The following MME variants were observed in gnomAD, a reference collection of about 807,000 sequenced individuals.
The protein encoded by MME is membrane metalloendopeptidase.
A neutral mutation model predicts 113.2 loss-of-function variants in MME; 98 were observed. The observed-to-expected ratio is 0.87, with a 90% CI of 0.74 to 1.02. The LOEUF (loss-of-function observed/expected upper bound fraction) is 1.02. Among genes scored for constraint, MME ranks in the 50% least tolerant of loss-of-function variants. The probability of loss-of-function intolerance (pLI) is 0.00; values close to 1 mark genes in which losing one functional copy is unlikely to be tolerated. For missense variants in MME, 836 were observed against 896.0 expected (o/e 0.93, Z 0.86); for synonymous variants, 292 against 300.6 (o/e 0.97, Z 0.30).
chr3:155,042,940 GTA>G lies in MME; in HGVS notation c.-11+18634_-11+18635del, dbSNP rs57585504. Among the ~76,000 whole-genome samples, 234 of 53,570 alleles carry G rather than the reference GTA, an allele frequency of 4.4e-3. 6 individuals are homozygous for G. The highest frequency in any genetic ancestry group is 0.017 in the African/African-American group (223 of 13,114). 35.1% of individuals were successfully genotyped at this position (53,570 alleles called of 152,430 possible). A position where few individuals can be genotyped will look rare whatever the true frequency, so the allele number is the denominator to read the frequency against. On this transcript the variant is annotated intron_variant, in intron 1 of 22. Transcript: ENST00000492661. ...TATATATATATATATATATATATAT[GTA>G]TATATATATATATATATCACATTTG... is the stretch of plus-strand genomic sequence containing the variant.
intron 1 of MME, among the ~76,000 whole-genome samples, chr3:155,072,857 A>G (rs907380125): frequency 2.6e-5 from 4 of 152,214 alleles, no homozygotes; most frequent in Admixed American, 2.0e-4. Flanking sequence ...ATTGTTTACC[A>G]AAGTTTACCA....
intron 1 of MME, among the ~76,000 whole-genome samples, chr3:155,044,125 C>CTTTTTTTTTTTTTTTT (rs5853709): frequency 1.1e-5 from 1 of 89,226 alleles, no homozygotes; most frequent in African/African-American, 4.2e-5. Flanking sequence ...CTTCCTTTTT[C>CTTTTTTTTTTTTTTTT]TTTTTTTTTT....
intron 3 of MME, chr3:155,112,894 C>T (rs75689157): frequency 0.099 from 14,993 of 152,150 alleles, 955 homozygotes; most frequent in Non-Finnish European, 0.15. Flanking sequence ...TTAATCACAT[C>T]AACAAAATGG....
At chr3:155,153,333 G>A (rs1722080499) in intron 16 of MME, among the ~76,000 whole-genome samples, 1 of 152,090 alleles carries the variant, frequency 6.6e-6, no homozygotes, top group African/African-American at 2.4e-5. Context: ...GGTTTCTGAT[G>A]CCTAGTATGT....
rs61760379 is a variant in MME at position 155,160,096 on chromosome 3, C to T, written c.1602-294C>T. Among the ~76,000 whole-genome samples, 3,167 of 152,106 alleles carry T rather than the reference C, an allele frequency of 0.021. 65 individuals are homozygous for T. The highest frequency in any genetic ancestry group is 0.11 in the East Asian group (580 of 5,168). The stretch of plus-strand genomic sequence containing the variant: ...AATAAATTTCAATACAATCTTAACC[C>T]ATTGCAATTTCTGAAGTGATACATT... On this transcript the variant is annotated intron_variant, in intron 16 of 22. Transcript: ENST00000360490.
intron 22 of MME, 109 bp downstream of exon 22, chr3:155,172,721 T>G: frequency 5.0e-6 from 4 of 808,060 alleles, no homozygotes; most frequent in East Asian, 5.4e-5. Flanking sequence ...GGAAATTCAG[T>G]GCTTTTTTTT....
intron 15 of MME, among the ~76,000 whole-genome samples, chr3:155,148,159 T>G (rs541942541): frequency 3.3e-5 from 5 of 152,120 alleles, no homozygotes; most frequent in Non-Finnish European, 7.4e-5. Context: ...TAATATTAGA[T>G]TCTATTAGTA....
chr3:155,133,599 C>T (rs1247326357), intron 8 of MME, among the ~76,000 whole-genome samples: 1 of 146,708 alleles, frequency 6.8e-6, no homozygotes, highest in Non-Finnish European at 1.5e-5. Context: ...AAAAAGCATC[C>T]CATATATATA....
intron 1 of MME, among the ~76,000 whole-genome samples, chr3:155,024,810 T>C (rs947650711): frequency 5.3e-5 from 8 of 152,136 alleles, no homozygotes; most frequent in African/African-American, 1.2e-4. Context: ...CATAAAATTA[T>C]ATATGAATGC....
At chr3:155,174,507 TC>T (rs1464198982) in intron 22 of MME, among the ~76,000 whole-genome samples, 2 of 152,048 alleles carry the variant, frequency 1.3e-5, no homozygotes, top group East Asian at 1.9e-4. Context: ...ACAGGCCACT[TC>T]CTGGCTGTAC....
At chr3:155,104,581 A>T (rs544879293) in intron 3 of MME, among the ~76,000 whole-genome samples, 102 of 152,318 alleles carry the variant, frequency 6.7e-4, no homozygotes, top group Middle Eastern at 3.4e-3. Context: ...CTCAGTAATC[A>T]CATATTATTG....
At chr3:155,033,462 T>G (rs956489323) in intron 1 of MME, among the ~76,000 whole-genome samples, 1 of 152,202 alleles carries the variant, frequency 6.6e-6, no homozygotes, top group Non-Finnish European at 1.5e-5. Flanking sequence ...TGGTGGAAAC[T>G]ATGTAACAAG....
At chr3:155,044,495 T>A (rs2108123379) in intron 1 of MME, among the ~76,000 whole-genome samples, 1 of 152,200 alleles carries the variant, frequency 6.6e-6, no homozygotes, top group Non-Finnish European at 1.5e-5. Context: ...TGAGAAAGAT[T>A]ATATATTATT....
chr3:155,176,247 C>A (rs186812029), intron 22 of MME, among the ~76,000 whole-genome samples: 187 of 152,178 alleles, frequency 1.2e-3, no homozygotes, highest in Non-Finnish European at 2.4e-3. Context: ...GGTCCCAATG[C>A]CAAATCTCTT....
Position 155,134,601 on chromosome 3 carries a change from A to G in MME, c.721-3501A>G, listed in dbSNP as rs1720473265. On this transcript the variant is annotated intron_variant, in intron 8 of 22. Transcript: ENST00000360490. ...TTGTGAGTAGTGCTGTGATTAACAA[A>G]TGAGTGCATAAGTCTTTGGTAGAAT... Among the ~76,000 whole-genome samples the G allele has an allele frequency of 2.0e-5, 3 of 152,168 alleles. No individual in the cohort carries two copies. In the South Asian group the frequency reaches 6.2e-4, roughly 31 times the overall value.
At chr3:155,088,895 T>C (rs1716029854) in intron 3 of MME, among the ~76,000 whole-genome samples, 1 of 152,094 alleles carries the variant, frequency 6.6e-6, no homozygotes, top group South Asian at 2.1e-4. Context: ...TTTCTTCCAG[T>C]GGAAGGGAAT....
chr3:155,067,830 G>T (rs192504413), intron 1 of MME, among the ~76,000 whole-genome samples: 1 of 152,074 alleles, frequency 6.6e-6, no homozygotes, highest in South Asian at 2.1e-4. Context: ...ATACAGTACT[G>T]GTGTGAAAAA....
intron 1 of MME, among the ~76,000 whole-genome samples, chr3:155,066,067 C>T (rs778461301): frequency 2.0e-4 from 30 of 152,110 alleles, no homozygotes; most frequent in Non-Finnish European, 3.8e-4. Context: ...TTCTAGATGT[C>T]GTCTAGTCCA....
intron 1 of MME, among the ~76,000 whole-genome samples, chr3:155,040,923 C>G (rs543094303): frequency 2.1e-4 from 32 of 152,214 alleles, no homozygotes; most frequent in Middle Eastern, 3.4e-3. Flanking sequence ...ATTTGTGGCT[C>G]AAACCATTAG....
Sources: allele counts gnomAD v4.1 joint callset (sites outside exome capture counted in the v4.1 genomes callset), GRCh38; gene constraint gnomAD v4.1.1; transcripts MANE v1.5; gene names NCBI Gene and HGNC (gene_info 2026-07-23, HGNC 2026-07-21).